PACRGL: variants seen among roughly 807,000 people sequenced by gnomAD.
PACRGL encodes the protein PACRG-like protein.
In PACRGL, 38 loss-of-function variants were observed where a neutral mutation model predicts 34.5. The ratio of observed to expected loss-of-function variants is 1.10; its 90% CI spans 0.85 to 1.44. The LOEUF (loss-of-function observed/expected upper bound fraction) is 1.44, where lower values mean the gene tolerates loss of function less well. Ranked by LOEUF, PACRGL falls within the 40% of genes most tolerant of loss-of-function variation. PACRGL has a pLI of 0.00. For synonymous variants in PACRGL, 128 were observed against 100.1 expected, an observed-to-expected ratio of 1.28 and a Z score of -1.66; for missense variants, 305 against 281.4, an observed-to-expected ratio of 1.08 and a Z score of -0.60.
intron 8 of PACRGL, among the ~76,000 whole-genome samples, chr4:20,751,496 T>C (rs889662854): frequency 6.6e-6 from 1 of 152,026 alleles, no homozygotes; most frequent in African/African-American, 2.4e-5. Context: ...CCTCTGGAGA[T>C]GTGAATTGAT....
At chr4:20,721,398 G>T (rs7696618) in intron 7 of PACRGL, among the ~76,000 whole-genome samples, 49,320 of 151,908 alleles carry the variant, frequency 0.32, 8,471 homozygotes, top group African/African-American at 0.43. Flanking sequence ...GGGGAGAGGC[G>T]CTTTGATTTT....
At chr4:20,759,385 T>C in the PACRGL span, among the ~76,000 whole-genome samples, 1 of 152,196 alleles carries the variant, frequency 6.6e-6, no homozygotes, top group Non-Finnish European at 1.5e-5. Flanking sequence ...ACAGGATGTC[T>C]AGGCATACCC....
At chr4:20,716,277 A>T (rs540623627) in intron 7 of PACRGL, 2 of 650,390 alleles carry the variant, frequency 3.1e-6, no homozygotes, top group Non-Finnish European at 5.4e-6. Flanking sequence ...AGGGTCCATG[A>T]GAGACCAGTC....
chr4:20,714,893 A>T (rs978132193), intron 7 of PACRGL, among the ~76,000 whole-genome samples: 1 of 152,200 alleles, frequency 6.6e-6, no homozygotes, highest in Non-Finnish European at 1.5e-5. Context: ...AGAACTAGAA[A>T]TACCATTTGA....
At chr4:20,765,808 T>C in the PACRGL span, among the ~76,000 whole-genome samples, 2 of 152,194 alleles carry the variant, frequency 1.3e-5, no homozygotes, top group Non-Finnish European at 2.9e-5. Flanking sequence ...CATAGATTTG[T>C]CTGTTGGTGA....
At chr4:20,760,424 CCTCA>C in the PACRGL span, among the ~76,000 whole-genome samples, 1 of 152,130 alleles carries the variant, frequency 6.6e-6, no homozygotes, top group Non-Finnish European at 1.5e-5. Context: ...ATCATTGTTC[CCTCA>C]CTAATAAACT....
downstream of PACRGL, chr4:20,734,487 T>G: frequency 2.2e-6 from 1 of 463,442 alleles, no homozygotes; most frequent in Non-Finnish European, 3.8e-6. Context: ...AAGTTTTTAA[T>G]TGTACATCTT....
the PACRGL span, among the ~76,000 whole-genome samples, chr4:20,761,291 C>G: frequency 1.3e-5 from 2 of 152,286 alleles, no homozygotes; most frequent in African/African-American, 4.8e-5. Context: ...CTTAATAAGT[C>G]TCTTTATACT....
intron 3 of PACRGL, among the ~76,000 whole-genome samples, chr4:20,706,107 G>T (rs1362668290): frequency 6.6e-6 from 1 of 151,172 alleles, no homozygotes; most frequent in Non-Finnish European, 1.5e-5. Context: ...AAATTGAATG[G>T]GATAACATTT....
intron 7 of PACRGL, among the ~76,000 whole-genome samples, chr4:20,714,015 T>C (rs1738579714): frequency 6.6e-6 from 1 of 152,168 alleles, no homozygotes; most frequent in African/African-American, 2.4e-5. Context: ...CTATTAGGTC[T>C]GCTTGGTGCA....
intron 8 of PACRGL, among the ~76,000 whole-genome samples, chr4:20,751,484 G>A (rs1753622977): frequency 6.6e-6 from 1 of 152,008 alleles, no homozygotes; most frequent in South Asian, 2.1e-4. Flanking sequence ...ACTATATAGT[G>A]CCCTCTGGAG....
At chr4:20,734,927 T>A (rs916951427), downstream of PACRGL, among the ~76,000 whole-genome samples, 9 of 152,318 alleles carry the variant, frequency 5.9e-5, no homozygotes, top group South Asian at 1.0e-3. Context: ...AACATTTTCA[T>A]ATTCTAATTG....
At chr4:20,712,631 C>T in intron 5 of PACRGL, 157 bp from the exon 6 acceptor site, 2 of 707,390 alleles carry the variant, frequency 2.8e-6, no homozygotes, top group African/African-American at 3.7e-5. Flanking sequence ...CACAGTTTCT[C>T]AATGTAATTG....
chr4:20,743,002 TATA>T (rs1252287894), intron 8 of PACRGL, among the ~76,000 whole-genome samples: 1 of 151,796 alleles, frequency 6.6e-6, no homozygotes, highest in African/African-American at 2.4e-5. Context: ...GAATCCAACT[TATA>T]TGGGATGTGA....
upstream of PACRGL, chr4:20,700,396 A>T (rs996748454): frequency 1.3e-5 from 2 of 152,150 alleles, no homozygotes; most frequent in African/African-American, 4.8e-5. Context: ...TAGACGACGC[A>T]GCGTGCGTCT....
At chr4:20,754,776 A>C (rs759953897), downstream of PACRGL, among the ~76,000 whole-genome samples, 5 of 152,194 alleles carry the variant, frequency 3.3e-5, no homozygotes, top group Non-Finnish European at 7.3e-5. Flanking sequence ...GATGTTCTCT[A>C]ATGCAGAAAT....
chr4:20,755,945 C>T (rs150433922), downstream of PACRGL, among the ~76,000 whole-genome samples: 6 of 152,078 alleles, frequency 3.9e-5, no homozygotes, highest in African/African-American at 1.4e-4. Flanking sequence ...GAGACAGTAG[C>T]CACCATTTGT....
chr4:20,718,746 G>C (rs1461609193), intron 7 of PACRGL: 3 of 152,234 alleles, frequency 2.0e-5, no homozygotes, highest in Admixed American at 6.5e-5. Context: ...GTAATTTATT[G>C]AGGATTTTTG....
chr4:20,704,717 A>G lies in PACRGL; in HGVS notation c.110A>G (p.Gln37Arg). ...CAGTTAAAACACAGGAATGCAGTTCAGGGAAGCAAATCCTCATTGTCAACC... is the reference window on the plus strand; with the variant it reads ...CAGTTAAAACACAGGAATGCAGTTCGGGGAAGCAAATCCTCATTGTCAACC... Reference protein sequence around the residue: ...STQLKHRNAVQGSKSSLSTSS... With the variant: ...STQLKHRNAVRGSKSSLSTSS... The change falls in exon 3 of 9, where the codon CAG becomes CGG. Residue 37 changes from glutamine to arginine, a missense_variant. Gln to Arg is a conservative substitution (Grantham distance 43). Coordinates refer to ENST00000503585, the MANE Select transcript of PACRGL (RefSeq NM_001258345.3). The G allele has an allele frequency of 6.2e-7, 1 of 1,614,128 alleles. No homozygotes were observed. The highest frequency in any genetic ancestry group is 1.1e-5 in the South Asian group (1 of 91,082).
Sources: gnomAD v4.1 joint callset for allele counts (sites outside exome capture counted in the v4.1 genomes callset) on GRCh38, gnomAD v4.1.1 for gene constraint, MANE v1.5 for transcripts, NCBI Gene and HGNC (gene_info 2026-07-23, HGNC 2026-07-21) for gene names.